Variants in MTA3 observed in about 807,000 individuals in gnomAD.
MTA3 encodes metastasis associated 1 family member 3.
A neutral mutation model predicts 83.5 loss-of-function variants in MTA3; 34 were observed. The ratio of observed to expected loss-of-function variants is 0.41; its 90% CI spans 0.31 to 0.54. MTA3 has a LOEUF of 0.54. Ranked by LOEUF, MTA3 falls within the 20% of genes least tolerant of loss-of-function variation. The pLI, the probability that MTA3 is intolerant of heterozygous loss-of-function variation, is 0.33. For synonymous variants in MTA3, 303 were observed against 252.7 expected (o/e 1.20, Z -1.89); for missense variants, 761 against 726.4 (o/e 1.05, Z -0.55).
intron 14 of MTA3, among the ~76,000 whole-genome samples, chr2:42,714,048 C>T (rs1451062217): frequency 1.3e-5 from 2 of 152,168 alleles, no homozygotes; most frequent in African/African-American, 4.8e-5. Context: ...TAGACAATTC[C>T]TATTTCTCTA....
chr2:42,682,754 G>T (rs576057346), intron 9 of MTA3, 165 bp downstream of exon 9: 3 of 656,828 alleles, frequency 4.6e-6, no homozygotes, highest in South Asian at 4.0e-5. Flanking sequence ...ACTGATAATT[G>T]TTTGGAGGAG....
At position 42,568,733 on chromosome 2, in the gene MTA3, CG is replaced by C; in HGVS notation, c.-10del. The stretch of plus-strand genomic sequence containing the variant: ...CGGGGCTCGGCTCGGGCTCCGCGGG[CG>C]GGCGGGCGGACATGGCGGCCAACAT... On this transcript the variant is annotated 5_prime_UTR_variant, in exon 1 of 17. Coordinates refer to ENST00000405094, the MANE Select transcript of MTA3 (RefSeq NM_001330442.2). 4 of 1,215,056 alleles carry C rather than the reference CG, an allele frequency of 3.3e-6. No individual in the cohort carries two copies. Among genetic ancestry groups the C allele is most frequent in the Non-Finnish European group, 4.1e-6 (4 of 978,090 alleles). The allele number at this position is 1,215,056 out of a possible 1,614,324, so 75.3% of individuals were successfully genotyped here. A position where few individuals can be genotyped will look rare whatever the true frequency, so the allele number is the denominator to read the frequency against.
chr2:42,748,804 A>T (rs922916687), intron 16 of MTA3, among the ~76,000 whole-genome samples: 1 of 152,138 alleles, frequency 6.6e-6, no homozygotes, highest in Non-Finnish European at 1.5e-5. Context: ...AAGACTCAGG[A>T]TTCTGTTATT....
At position 42,718,996 on chromosome 2, in the gene MTA3, A is replaced by G; in HGVS notation, c.1534A>G (p.Arg512Gly). 6.5e-7 allele frequency: 1 copy of G among 1,550,130 alleles called. No individual in the cohort carries two copies. The highest frequency in any genetic ancestry group is 8.7e-7 in the Non-Finnish European group (1 of 1,146,620). Residue 512 changes from arginine (R) to glycine (G), a missense_variant, in exon 15 of 17, where the codon AGA (arginine) becomes GGA (glycine). Transcript: ENST00000405094. Reference protein sequence around the residue: ...YAAIRAEYADRHAELSGSPLK... With the variant: ...YAAIRAEYADGHAELSGSPLK... Reference sequence around the variant, plus strand: ...TTTCTTTCTCTCCTCAGATGCAGACAGACATGCTGAACTATCTGGAAGTCC... The same window carrying G: ...TTTCTTTCTCTCCTCAGATGCAGACGGACATGCTGAACTATCTGGAAGTCC...
intron 8 of MTA3, among the ~76,000 whole-genome samples, chr2:42,662,739 T>C (rs1168478804): frequency 6.6e-6 from 1 of 150,514 alleles, no homozygotes; most frequent in East Asian, 1.9e-4. Context: ...ATACTTTTTT[T>C]TTTTTTTTTT....
intron 14 of MTA3, among the ~76,000 whole-genome samples, chr2:42,713,648 G>T (rs1294469766): frequency 5.3e-5 from 8 of 151,974 alleles, no homozygotes; most frequent in Admixed American, 5.2e-4. Flanking sequence ...GCATCTATAA[G>T]AGTCTAAGTA....
intron 5 of MTA3, among the ~76,000 whole-genome samples, chr2:42,640,887 C>A (rs1687634267): frequency 6.6e-6 from 1 of 152,092 alleles, no homozygotes; most frequent in Admixed American, 6.6e-5. Flanking sequence ...TCTTCTCCCC[C>A]AAAAGCTTTA....
chr2:42,549,697 ATAT>A (rs1677027478), intron 2 of MTA3, among the ~76,000 whole-genome samples: 1 of 130,598 alleles, frequency 7.7e-6, no homozygotes, highest in African/African-American at 2.9e-5. Context: ...TTATATATAC[ATAT>A]TATATATTAT....
intron 2 of MTA3, among the ~76,000 whole-genome samples, chr2:42,514,167 C>T (rs1237840869): frequency 6.6e-6 from 1 of 151,988 alleles, no homozygotes; most frequent in East Asian, 1.9e-4. Context: ...GAGTCGAGAT[C>T]GCGCCACTGC....
intron 4 of MTA3, among the ~76,000 whole-genome samples, chr2:42,629,017 A>G (rs1436845648): frequency 6.6e-6 from 1 of 152,164 alleles, no homozygotes; most frequent in African/African-American, 2.4e-5. Flanking sequence ...TAGGGATGGT[A>G]TATCCAGTTT....
intron 12 of MTA3, 30 bp downstream of exon 12, chr2:42,704,348 AT>A: frequency 6.2e-7 from 1 of 1,612,368 alleles, no homozygotes; most frequent in Non-Finnish European, 8.5e-7. Flanking sequence ...TCAGTTAAGC[AT>A]CGGGAACTGT....
At chr2:42,750,815 C>T (rs918073952) in intron 16 of MTA3, among the ~76,000 whole-genome samples, 2 of 152,208 alleles carry the variant, frequency 1.3e-5, no homozygotes, top group Non-Finnish European at 1.5e-5. Context: ...GAATAAATAT[C>T]TCGACTGGTG....
rs2104615741 is a variant in MTA3, at chr2:42,755,451, T to C, written c.*2052T>C. On this transcript the variant is annotated 3_prime_UTR_variant, in exon 17 of 17. Coordinates refer to ENST00000405094, the MANE Select transcript of MTA3 (RefSeq NM_001330442.2). ...GCCCCTCCTATCTACCCAGTTGACA[T>C]TTGGCTTTGGGAAAAGCGCAGCTTG... 3 of 985,448 alleles carry C rather than the reference T, an allele frequency of 3.0e-6. No homozygotes were observed. Among genetic ancestry groups the C allele is most frequent in the Non-Finnish European group, 3.6e-6 (3 of 829,944 alleles). The allele number at this position is 985,448 out of a possible 1,614,324, so 61.0% of individuals were successfully genotyped here.
At chr2:42,581,439 A>G (rs1258594875) in intron 3 of MTA3, among the ~76,000 whole-genome samples, 2 of 139,930 alleles carry the variant, frequency 1.4e-5, no homozygotes, top group African/African-American at 5.4e-5. Flanking sequence ...GCAGGATCAT[A>G]GCTCACTGCA....
intron 2 of MTA3, among the ~76,000 whole-genome samples, chr2:42,506,128 A>G (rs1674617712): frequency 6.6e-6 from 1 of 152,058 alleles, no homozygotes; most frequent in Non-Finnish European, 1.5e-5. Context: ...CTCCACTTTT[A>G]TATGTATTTG....
intron 2 of MTA3, among the ~76,000 whole-genome samples, chr2:42,578,802 G>A (rs910300682): frequency 4.6e-5 from 7 of 152,052 alleles, no homozygotes; most frequent in South Asian, 2.1e-4. Flanking sequence ...AAGCAGTTGG[G>A]GGATTAGTTT....
At chr2:42,687,366 A>T (rs568183031) in intron 9 of MTA3, among the ~76,000 whole-genome samples, 1 of 152,284 alleles carries the variant, frequency 6.6e-6, no homozygotes, top group South Asian at 2.1e-4. Flanking sequence ...GGTATTCATC[A>T]GTGTTGCTGC....
intron 16 of MTA3, among the ~76,000 whole-genome samples, chr2:42,748,934 G>C (rs1452426911): frequency 2.3e-4 from 35 of 152,294 alleles, no homozygotes; most frequent in Non-Finnish European, 1.5e-5. Context: ...TTTGCCCTTA[G>C]TCCGATGGGA....
intron 6 of MTA3, among the ~76,000 whole-genome samples, chr2:42,648,786 G>C (rs988055873): frequency 6.6e-5 from 10 of 152,004 alleles, no homozygotes; most frequent in African/African-American, 2.4e-4. Context: ...GGAATTTTAA[G>C]AAAAATTTGT....
Sources: gnomAD v4.1 joint callset for allele counts (sites outside exome capture counted in the v4.1 genomes callset) on GRCh38, gnomAD v4.1.1 for gene constraint, MANE v1.5 for transcripts, NCBI Gene and HGNC (gene_info 2026-07-23, HGNC 2026-07-21) for gene names.